The following ERC1 variants were observed in gnomAD, a reference collection of about 807,000 sequenced individuals.
ERC1 encodes RAB6 interacting protein 2.
ERC1 carries 56 observed loss-of-function variants against 132.0 expected under a neutral mutation model. That is an observed-to-expected ratio of 0.42 (90% CI 0.34 to 0.53). ERC1 has a LOEUF of 0.53. Ranked by LOEUF, ERC1 falls within the 20% of genes least tolerant of loss-of-function variation. The pLI is 0.03. For missense variants in ERC1, 1,202 were observed against 1,349.9 expected (o/e 0.89, Z 1.72); for synonymous variants, 478 against 476.1 (o/e 1.00, Z -0.05).
intron 7 of ERC1, among the ~76,000 whole-genome samples, chr12:1,128,532 G>A (rs1948434873): frequency 6.6e-6 from 1 of 152,132 alleles, no homozygotes; most frequent in Non-Finnish European, 1.5e-5. Flanking sequence ...ACCGTGCCCA[G>A]CTAGCACTAG....
chr12:1,001,853 C>CTT (rs869097939), intron 1 of ERC1, among the ~76,000 whole-genome samples: 1,402 of 109,074 alleles, frequency 0.013, 50 homozygotes, highest in African/African-American at 0.047. Context: ...CTTGTAAAGT[C>CTT]TTTTTTTTTT....
chr12:1,169,066 A>G (rs546577601), intron 8 of ERC1, among the ~76,000 whole-genome samples: 1 of 152,256 alleles, frequency 6.6e-6, no homozygotes, highest in East Asian at 1.9e-4. Context: ...GGTGATATAC[A>G]CTGGTTTCTA....
intron 2 of ERC1, among the ~76,000 whole-genome samples, chr12:1,066,813 G>A (rs1939282437): frequency 6.8e-6 from 1 of 146,114 alleles, no homozygotes; most frequent in Non-Finnish European, 1.5e-5. Context: ...GTCCAGCCTG[G>A]GCAACAGAGC....
At chr12:1,237,108 C>T (rs1415104497) in intron 13 of ERC1, among the ~76,000 whole-genome samples, 1 of 152,166 alleles carries the variant, frequency 6.6e-6, no homozygotes, top group African/African-American at 2.4e-5. Flanking sequence ...ATGAGGACAC[C>T]TCAGCATAGG....
chr12:994,864 A>T (rs866185549), intron 1 of ERC1, among the ~76,000 whole-genome samples: 1 of 152,298 alleles, frequency 6.6e-6, no homozygotes, highest in South Asian at 2.1e-4. Flanking sequence ...TGGGAGGCCA[A>T]GGCGGGCGGA....
chr12:1,251,209 TAA>T (rs1458573200), intron 13 of ERC1, among the ~76,000 whole-genome samples: 1 of 152,128 alleles, frequency 6.6e-6, no homozygotes, highest in African/African-American at 2.4e-5. Flanking sequence ...TTATAAACAT[TAA>T]GATTGACATC....
intron 15 of ERC1, among the ~76,000 whole-genome samples, chr12:1,308,666 A>G (rs2081063954): frequency 6.6e-6 from 1 of 152,240 alleles, no homozygotes; most frequent in African/African-American, 2.4e-5. Context: ...TTGAAAGAAA[A>G]TATTTTAATT....
intron 17 of ERC1, among the ~76,000 whole-genome samples, chr12:1,419,476 C>A (rs2092335728): frequency 2.0e-5 from 3 of 147,848 alleles, no homozygotes; most frequent in African/African-American, 7.5e-5. Flanking sequence ...GAACTCACAT[C>A]CTTTATTCTA....
At chr12:1,005,915 AC>A (rs1362354628) in intron 1 of ERC1, among the ~76,000 whole-genome samples, 4 of 151,288 alleles carry the variant, frequency 2.6e-5, no homozygotes, top group African/African-American at 9.7e-5. Context: ...TATTATTATT[AC>A]TTTTTTTTTG....
intron 4 of ERC1, among the ~76,000 whole-genome samples, chr12:1,106,397 G>A (rs946406014): frequency 6.6e-6 from 1 of 151,984 alleles, no homozygotes; most frequent in African/African-American, 2.4e-5. Flanking sequence ...TTGCATTGTG[G>A]GCCTTCATTT....
rs534784804 is a variant in ERC1 at position 1,278,700 on chromosome 12, C to T, written c.2620-11152C>T. 1.6e-3 allele frequency among the ~76,000 whole-genome samples: 242 copies of T among 152,170 alleles called. 1 individual carries two copies. The highest frequency in any genetic ancestry group is 5.7e-3 in the African/African-American group (236 of 41,540). ...CTCTGTACTTAAAGTTTGAAGCTAC[C>T]TTGTACTATATTTAAAGTTATATTC... On this transcript the variant is annotated intron_variant, in intron 14 of 18. Transcript: ENST00000360905.
intron 15 of ERC1, among the ~76,000 whole-genome samples, chr12:1,368,803 C>G (rs1239656972): frequency 6.6e-6 from 1 of 152,144 alleles, no homozygotes; most frequent in Non-Finnish European, 1.5e-5. Flanking sequence ...AGCTAGTATA[C>G]CTATCAAAGA....
At chr12:1,397,956 A>G (rs2090676938) in intron 16 of ERC1, among the ~76,000 whole-genome samples, 1 of 152,168 alleles carries the variant, frequency 6.6e-6, no homozygotes, top group Non-Finnish European at 1.5e-5. Flanking sequence ...TTCTCTGTAC[A>G]TCTCAGTAGG....
chr12:1,071,796 T>C (rs532356201), intron 2 of ERC1, among the ~76,000 whole-genome samples: 144 of 152,290 alleles, frequency 9.5e-4, no homozygotes, highest in African/African-American at 3.1e-3. Flanking sequence ...CAAATATCTT[T>C]CCCTTAAAAG....
chr12:1,381,217 G>A (rs1345189509), intron 16 of ERC1: 2 of 152,196 alleles, frequency 1.3e-5, no homozygotes, highest in African/African-American at 4.8e-5. Flanking sequence ...CTCCTTGATG[G>A]TGACTGTTGT....
chr12:1,077,276 A>G (rs11835905), intron 2 of ERC1, among the ~76,000 whole-genome samples: 6,089 of 152,240 alleles, frequency 0.04, 208 homozygotes, highest in African/African-American at 0.088. Flanking sequence ...TATTTTAGGA[A>G]TGAGAATAAA....
chr12:1,308,630 AT>A (rs1156702880), intron 15 of ERC1, among the ~76,000 whole-genome samples: 1 of 152,240 alleles, frequency 6.6e-6, no homozygotes, highest in Non-Finnish European at 1.5e-5. Flanking sequence ...ATGTCAAAAA[AT>A]AATAGACATA....
At chr12:1,193,313 C>G (rs1594110667) in intron 12 of ERC1, among the ~76,000 whole-genome samples, 2 of 152,044 alleles carry the variant, frequency 1.3e-5, no homozygotes, top group African/African-American at 4.8e-5. Flanking sequence ...CCCATTAATA[C>G]ATCTATAAAT....
chr12:1,440,396 C>T (rs184113154), intron 17 of ERC1, among the ~76,000 whole-genome samples: 1,500 of 149,976 alleles, frequency 0.01, 12 homozygotes, highest in South Asian at 0.04. Flanking sequence ...TTAGTAGAGA[C>T]GGGGTTTCAC....
Sources: gnomAD v4.1 joint callset for allele counts (sites outside exome capture counted in the v4.1 genomes callset) on GRCh38, gnomAD v4.1.1 for gene constraint, MANE v1.5 for transcripts, NCBI Gene and HGNC (gene_info 2026-07-23, HGNC 2026-07-21) for gene names.